CD2AP: variants seen among roughly 807,000 people sequenced by gnomAD.
CD2AP encodes the protein CD2 associated protein, also known as CD2-associated protein.
In CD2AP, 46 loss-of-function variants were observed where a neutral mutation model predicts 85.1. That is an observed-to-expected ratio of 0.54 (90% CI 0.43 to 0.69). The LOEUF is 0.69. Ranked by LOEUF, CD2AP falls within the 30% of genes least tolerant of loss-of-function variation. The pLI is 0.00. For synonymous variants in CD2AP, 255 were observed against 252.9 expected, an observed-to-expected ratio of 1.01 and a Z score of -0.08; for missense variants, 769 against 729.5, an observed-to-expected ratio of 1.05 and a Z score of -0.62.
At chr6:47,609,992 T>C (rs946240834) in intron 16 of CD2AP, among the ~76,000 whole-genome samples, 27 of 152,212 alleles carry the variant, frequency 1.8e-4, no homozygotes, top group Admixed American at 1.8e-3. Flanking sequence ...GTTGGACATT[T>C]ATAAAATGAA....
chr6:47,610,966 TATG>T (rs1769417011), intron 16 of CD2AP, among the ~76,000 whole-genome samples: 1 of 91,136 alleles, frequency 1.1e-5, no homozygotes, highest in Non-Finnish European at 2.2e-5. Flanking sequence ...TATATATATA[TATG>T]TATTTTTTTT....
chr6:47,498,836 A>AT (rs1765932017), intron 1 of CD2AP, among the ~76,000 whole-genome samples: 2 of 152,184 alleles, frequency 1.3e-5, no homozygotes, highest in South Asian at 2.1e-4. Flanking sequence ...AGTACAAATC[A>AT]TTTTTTTCCT....
chr6:47,501,612 C>CAGG (rs916147173), intron 1 of CD2AP, among the ~76,000 whole-genome samples: 1 of 151,632 alleles, frequency 6.6e-6, no homozygotes, highest in Non-Finnish European at 1.5e-5. Flanking sequence ...TGGTCATACT[C>CAGG]ACTTTCCTTT....
At position 47,585,888 on chromosome 6, in the gene CD2AP, G is replaced by C. The variant is rs562340206; in HGVS notation, c.1108+3823G>C. On this transcript the variant is annotated intron_variant, in intron 11 of 17. Transcript: ENST00000359314. ...GTTCATAAAACAGTGTATCACCTTAGACTAAAGGTTTCTCTGCCTCTATCT... is the reference window on the plus strand; with the variant it reads ...GTTCATAAAACAGTGTATCACCTTACACTAAAGGTTTCTCTGCCTCTATCT... Among the ~76,000 whole-genome samples the C allele has an allele frequency of 1.1e-4, 17 of 152,276 alleles. No individual in the cohort carries two copies. In the South Asian group the frequency reaches 3.3e-3, roughly 30 times the overall value.
intron 6 of CD2AP, among the ~76,000 whole-genome samples, chr6:47,574,479 C>T (rs908216827): frequency 6.6e-6 from 1 of 151,454 alleles, no homozygotes; most frequent in Non-Finnish European, 1.5e-5. Context: ...AAATTTAACA[C>T]ACTTAGTAGA....
chr6:47,588,894 A>C (rs1485780), intron 11 of CD2AP, among the ~76,000 whole-genome samples: 40,714 of 151,806 alleles, frequency 0.27, 5,612 homozygotes, highest in African/African-American at 0.32. Context: ...GAGCACATTT[A>C]CCTCTAGACC....
At chr6:47,568,870 G>A (rs1289310923) in intron 5 of CD2AP, among the ~76,000 whole-genome samples, 2 of 152,220 alleles carry the variant, frequency 1.3e-5, no homozygotes, top group Admixed American at 1.3e-4. Context: ...GGAATGGACT[G>A]AGGAAGATTA....
In CD2AP at chr6:47,574,092, T is replaced by G; in HGVS notation, c.570T>G (p.Pro190=). The G allele has an allele frequency of 6.2e-7, 1 of 1,614,036 alleles. No individual in the cohort carries two copies. The part of the protein sequence containing the change: ...SETVLAGPTS[P]IPSLGNVSET... ...CTGTTTTGGCTGGGCCTACTTCACC[T>G]ATACCTTCTCTGGGAAATGTGAGTG... The change falls in exon 6 of 18, where the codon CCT becomes CCG. Residue 190 remains proline, a synonymous_variant. Coordinates refer to ENST00000359314, the MANE Select transcript of CD2AP (RefSeq NM_012120.3).
intron 8 of CD2AP, 63 bp downstream of exon 8, chr6:47,577,166 T>TA: frequency 3.4e-6 from 3 of 889,428 alleles, no homozygotes; most frequent in South Asian, 2.7e-5. Flanking sequence ...TTTCAAAAGT[T>TA]ATACATTCAC....
chr6:47,596,468 C>T (rs34977645), intron 12 of CD2AP, among the ~76,000 whole-genome samples: 38,891 of 152,018 alleles, frequency 0.26, 5,642 homozygotes, highest in East Asian at 0.6. Flanking sequence ...TACTCTATTT[C>T]TATGGGATCA....
At chr6:47,525,011 A>G (rs1766686402) in intron 2 of CD2AP, among the ~76,000 whole-genome samples, 1 of 152,142 alleles carries the variant, frequency 6.6e-6, no homozygotes, top group Admixed American at 6.5e-5. Flanking sequence ...TCATAATAAA[A>G]AGGAAAATCA....
chr6:47,551,855 T>C (rs1767535295), intron 4 of CD2AP, among the ~76,000 whole-genome samples: 1 of 152,190 alleles, frequency 6.6e-6, no homozygotes, highest in Admixed American at 6.5e-5. Context: ...GCCTTTCCAT[T>C]TGGGTTGACT....
chr6:47,608,805 A>G (rs1322291934), intron 15 of CD2AP, among the ~76,000 whole-genome samples: 1 of 151,622 alleles, frequency 6.6e-6, no homozygotes, highest in Non-Finnish European at 1.5e-5. Context: ...GATCAAAGTA[A>G]TACCTTTATA....
chr6:47,573,971 A>T, intron 5 of CD2AP, 93 bp from the exon 6 acceptor site: 1 of 1,093,600 alleles, frequency 9.1e-7, no homozygotes, highest in Non-Finnish European at 1.4e-6. Flanking sequence ...ACTGTGTTTT[A>T]TTAGAAGGCA....
At chr6:47,599,471 AT>A in intron 13 of CD2AP, 28 bp downstream of exon 13, 2 of 1,598,156 alleles carry the variant, frequency 1.3e-6, no homozygotes, top group Non-Finnish European at 1.7e-6. Context: ...GCGGTGGTGC[AT>A]TTAAAAAAAA....
rs886061518 is a variant in CD2AP, at chr6:47,544,612, A to G, written c.326A>G (p.Lys109Arg). The stretch of plus-strand genomic sequence containing the variant: ...ATTATGTTACTTTCTTTAGAGACCA[A>G]GAAGCGTCAGTGTAAAGTTCTTTTT... ...PQTKNIKKKTKKRQCKVLFEY... is the reference protein window; with the variant it reads ...PQTKNIKKKTRKRQCKVLFEY... The change falls in exon 4 of 18, where the codon AAG becomes AGG. Residue 109 changes from lysine (K) to arginine (R), a missense_variant. Transcript: ENST00000359314. 4 of 1,601,184 alleles carry G rather than the reference A, an allele frequency of 2.5e-6. No individual in the cohort carries two copies. Among genetic ancestry groups the G allele is most frequent in the Non-Finnish European group, 3.4e-6 (4 of 1,168,592 alleles).
chr6:47,484,697 A>G (rs1163340601), intron 1 of CD2AP, among the ~76,000 whole-genome samples: 1 of 152,094 alleles, frequency 6.6e-6, no homozygotes, highest in Non-Finnish European at 1.5e-5. Context: ...GATCTTGTTC[A>G]GTTTCTCAAC....
intron 2 of CD2AP, among the ~76,000 whole-genome samples, chr6:47,510,777 A>G (rs1054936401): frequency 1.6e-4 from 25 of 152,248 alleles, no homozygotes; most frequent in African/African-American, 6.0e-4. Context: ...TGTGGAATAG[A>G]CTAAAGGATA....
At chr6:47,564,477 A>G (rs1210996366) in intron 5 of CD2AP, among the ~76,000 whole-genome samples, 6 of 152,134 alleles carry the variant, frequency 3.9e-5, no homozygotes, top group African/African-American at 1.2e-4. Context: ...TTCTTATGCT[A>G]TTCAGCTTGA....
Sources: gnomAD v4.1 joint callset for allele counts (sites outside exome capture counted in the v4.1 genomes callset) on GRCh38, gnomAD v4.1.1 for gene constraint, MANE v1.5 for transcripts, NCBI Gene and HGNC (gene_info 2026-07-23, HGNC 2026-07-21) for gene names.